Variants in NUDC observed in about 807,000 individuals in gnomAD.
NUDC encodes nuclear distribution C, dynein complex regulator.
In NUDC, 14 loss-of-function variants were observed where a neutral mutation model predicts 45.0. That is an observed-to-expected ratio of 0.31 (90% CI 0.21 to 0.49). NUDC has a LOEUF of 0.49. NUDC is among the 20% of genes least tolerant of loss of function. The pLI is 0.99. For synonymous variants in NUDC, 153 were observed against 156.7 expected, an observed-to-expected ratio of 0.98 and a Z score of 0.17; for missense variants, 323 against 426.2, an observed-to-expected ratio of 0.76 and a Z score of 2.13.
intron 2 of NUDC, among the ~76,000 whole-genome samples, chr1:26,933,930 A>G (rs2082204839): frequency 6.6e-6 from 1 of 152,102 alleles, no homozygotes; most frequent in African/African-American, 2.4e-5. Context: ...CAAGGTGGGC[A>G]GATCACGAGG....
At chr1:26,912,033 G>T in intron 3 of NUDC, 1 of 1,614,176 alleles carries the variant, frequency 6.2e-7, no homozygotes, top group Non-Finnish European at 8.5e-7. Flanking sequence ...AGCACCCAGT[G>T]AGCCTCCTGC....
At chr1:26,938,854 G>A (rs1190262026) in intron 2 of NUDC, among the ~76,000 whole-genome samples, 1 of 152,204 alleles carries the variant, frequency 6.6e-6, no homozygotes, top group Non-Finnish European at 1.5e-5. Flanking sequence ...CTGTGTATGG[G>A]TTGGCATTGA....
At chr1:26,934,665 T>TTC (rs1252262450) in intron 2 of NUDC, among the ~76,000 whole-genome samples, 1 of 151,616 alleles carries the variant, frequency 6.6e-6, no homozygotes, top group Non-Finnish European at 1.5e-5. Context: ...GACAGAGGTT[T>TTC]TTTTTTTTTT....
intron 1 of NUDC, 28 bp downstream of exon 1, chr1:26,921,957 C>T: frequency 2.6e-6 from 4 of 1,547,092 alleles, no homozygotes; most frequent in African/African-American, 2.7e-5. Flanking sequence ...GTCGGCCCAC[C>T]CGGCGGCCTT....
At chr1:26,922,013 A>AC in intron 1 of NUDC, 84 bp downstream of exon 1, 2 of 1,379,020 alleles carry the variant, frequency 1.5e-6, no homozygotes, top group Admixed American at 4.0e-5. Context: ...GCTGAGACCC[A>AC]CCCCAGCGGC....
upstream of NUDC, among the ~76,000 whole-genome samples, chr1:26,920,839 G>C (rs1016682262): frequency 1.4e-4 from 21 of 152,040 alleles, no homozygotes; most frequent in Non-Finnish European, 1.5e-5. Context: ...TCTGGAGGCT[G>C]AAGTGGGGAA....
At chr1:26,940,903 G>A (rs879858531) in intron 2 of NUDC, among the ~76,000 whole-genome samples, 5 of 151,192 alleles carry the variant, frequency 3.3e-5, no homozygotes, top group Non-Finnish European at 5.9e-5. Flanking sequence ...GGCCAGATTA[G>A]TCTCCAATTC....
upstream of NUDC, chr1:26,900,171 G>A (rs759731518): frequency 6.8e-6 from 11 of 1,614,182 alleles, no homozygotes; most frequent in South Asian, 1.2e-4. Flanking sequence ...AGAGTCTCGA[G>A]TGGAGAGAGG....
At chr1:26,938,423 C>T (rs969556231) in intron 2 of NUDC, among the ~76,000 whole-genome samples, 1 of 152,210 alleles carries the variant, frequency 6.6e-6, no homozygotes, top group African/African-American at 2.4e-5. Flanking sequence ...AGTTCAAGGT[C>T]TCTCTGATTA....
At chr1:26,905,200 G>A (rs1234719126) in intron 2 of NUDC, among the ~76,000 whole-genome samples, 1 of 115,108 alleles carries the variant, frequency 8.7e-6, no homozygotes, top group Non-Finnish European at 1.7e-5. Flanking sequence ...TCACTCTGTT[G>A]CCTAGGCTGG....
intron 3 of NUDC, chr1:26,911,904 G>A: frequency 6.2e-7 from 1 of 1,614,090 alleles, no homozygotes; most frequent in Non-Finnish European, 8.5e-7. Flanking sequence ...CCAATGATAG[G>A]GCGAAAGAAG....
rs143219986 is a variant in NUDC at position 26,907,436 on chromosome 1, C to G, written c.-15-3692C>G. 1.7e-3 allele frequency among the ~76,000 whole-genome samples: 263 copies of G among 152,230 alleles called. 1 individual carries two copies. The highest frequency in any genetic ancestry group is 6.0e-3 in the African/African-American group (251 of 41,512). Reference sequence around the variant, plus strand: ...ATCTTATTTATTCTGTGCCCCCTACCCCAGCATCTAGTACAGGGGTTGGTA... The same window carrying G: ...ATCTTATTTATTCTGTGCCCCCTACGCCAGCATCTAGTACAGGGGTTGGTA... On this transcript the variant is annotated intron_variant, in intron 2 of 6. Coordinates refer to the NUDC transcript ENST00000435827.
chr1:26,945,274 C>T, intron 6 of NUDC, 116 bp from the exon 7 acceptor site: 1 of 807,174 alleles, frequency 1.2e-6, no homozygotes. Flanking sequence ...TGTAGGCCTG[C>T]AAGGGTCTCA....
At chr1:26,916,928 C>T (rs570701497), upstream of NUDC, among the ~76,000 whole-genome samples, 164 of 152,258 alleles carry the variant, frequency 1.1e-3, 2 homozygotes, top group African/African-American at 3.9e-3. Flanking sequence ...GCACTCTAGC[C>T]TGGGCAACAG....
intron 2 of NUDC, among the ~76,000 whole-genome samples, chr1:26,934,298 T>C (rs1221443998): frequency 1.3e-5 from 2 of 152,170 alleles, no homozygotes; most frequent in Non-Finnish European, 2.9e-5. Context: ...CAGACGCTAA[T>C]AAAACCATCA....
At chr1:26,913,694 C>T in intron 3 of NUDC, 2 of 1,611,192 alleles carry the variant, frequency 1.2e-6, no homozygotes, top group East Asian at 2.2e-5. Context: ...CGCCGCTGGT[C>T]CTGGGGAGGC....
At chr1:26,929,558 A>G (rs2082163730) in intron 2 of NUDC, 1 of 203,286 alleles carries the variant, frequency 4.9e-6, no homozygotes, top group South Asian at 6.8e-5. Flanking sequence ...ATGCCATTTT[A>G]TATAAGGGAC....
At chr1:26,915,058 C>CATATATATATATATATATATAT (rs67296768) in intron 3 of NUDC, among the ~76,000 whole-genome samples, 135 of 140,516 alleles carry the variant, frequency 9.6e-4, no homozygotes, top group South Asian at 2.5e-3. Context: ...TACATACATA[C>CATATATATATATATATATATAT]ATATATATAT....
chr1:26,906,624 C>T (rs1273656654), intron 2 of NUDC, among the ~76,000 whole-genome samples: 3 of 151,508 alleles, frequency 2.0e-5, no homozygotes, highest in Non-Finnish European at 2.9e-5. Flanking sequence ...CCAAGGCAGG[C>T]GGATCATGAG....
Sources: allele counts gnomAD v4.1 joint callset (sites outside exome capture counted in the v4.1 genomes callset), GRCh38; gene constraint gnomAD v4.1.1; transcripts MANE v1.5; gene names NCBI Gene and HGNC (gene_info 2026-07-23, HGNC 2026-07-21).